ADGRL2: variants seen among roughly 807,000 people sequenced by gnomAD.
ADGRL2 encodes adhesion G protein-coupled receptor L2.
In ADGRL2, 44 loss-of-function variants were observed where a neutral mutation model predicts 157.4. The ratio of observed to expected loss-of-function variants is 0.28; its 90% CI spans 0.22 to 0.36. The LOEUF is 0.36. Among genes scored for constraint, ADGRL2 ranks in the 10% least tolerant of loss-of-function variants. The probability of loss-of-function intolerance (pLI) is 1.00; values close to 1 mark genes in which losing one functional copy is unlikely to be tolerated. For synonymous variants in ADGRL2, 585 were observed against 624.7 expected, an observed-to-expected ratio of 0.94 and a Z score of 0.95; for missense variants, 1,510 against 1,768.9, an observed-to-expected ratio of 0.85 and a Z score of 2.63.
At chr1:81,343,700 G>GTGTGACAGAGAGAGAGAGAGAAAGAGAT (rs1029632805) in intron 1 of ADGRL2, among the ~76,000 whole-genome samples, 4 of 152,056 alleles carry the variant, frequency 2.6e-5, no homozygotes, top group Non-Finnish European at 5.9e-5. Context: ...GAGAAAGAGA[G>GTGTGACAGAGAGAGAGAGAGAAAGAGAT]TGTGACAGAG....
chr1:81,473,676 T>C (rs2078216824), intron 2 of ADGRL2, among the ~76,000 whole-genome samples: 1 of 152,136 alleles, frequency 6.6e-6, no homozygotes, highest in African/African-American at 2.4e-5. Flanking sequence ...TCCAGGTTAA[T>C]ATTGTGAGAC....
chr1:81,558,683 T>C (rs2148438928), intron 2 of ADGRL2, among the ~76,000 whole-genome samples: 1 of 152,338 alleles, frequency 6.6e-6, no homozygotes, highest in African/African-American at 2.4e-5. Flanking sequence ...AATGAGTGTT[T>C]ATACAATAAA....
At chr1:81,956,120 A>G in intron 11 of ADGRL2, 60 bp downstream of exon 11, 1 of 1,262,376 alleles carries the variant, frequency 7.9e-7, no homozygotes, top group Non-Finnish European at 1.1e-6. Context: ...TAAGAGGATG[A>G]TGTTTCCATT....
chr1:81,535,643 T>C (rs2079717261), intron 2 of ADGRL2, among the ~76,000 whole-genome samples: 1 of 152,144 alleles, frequency 6.6e-6, no homozygotes, highest in Admixed American at 6.5e-5. Flanking sequence ...GTACACCATG[T>C]TTATGTGATT....
intron 3 of ADGRL2, among the ~76,000 whole-genome samples, chr1:81,674,349 A>T (rs935238371): frequency 6.6e-6 from 1 of 152,194 alleles, no homozygotes; most frequent in African/African-American, 2.4e-5. Context: ...GAGAACTCTA[A>T]TGCACGTAGA....
chr1:81,800,493 A>T (rs1376583743), upstream of ADGRL2: 1 of 151,868 alleles, frequency 6.6e-6, no homozygotes, highest in Non-Finnish European at 1.5e-5. Flanking sequence ...CGTGGAGAAA[A>T]GAGAAAACCT....
intron 2 of ADGRL2, among the ~76,000 whole-genome samples, chr1:81,468,041 T>C (rs1487701360): frequency 2.0e-5 from 3 of 152,174 alleles, no homozygotes; most frequent in Admixed American, 1.3e-4. Flanking sequence ...TTTAAAATTT[T>C]AGGGAAATTC....
At chr1:81,770,322 C>G (rs1260489832) in intron 2 of ADGRL2, among the ~76,000 whole-genome samples, 1 of 151,700 alleles carries the variant, frequency 6.6e-6, no homozygotes. Flanking sequence ...GCCACCCTAC[C>G]TGGCTAATTT....
chr1:81,771,966 T>C (rs2086389323), intron 2 of ADGRL2, among the ~76,000 whole-genome samples: 1 of 152,192 alleles, frequency 6.6e-6, no homozygotes, highest in South Asian at 2.1e-4. Flanking sequence ...CATTTTATCC[T>C]TGGCTGGGTG....
At chr1:81,784,111 C>G (rs2086929595) in intron 2 of ADGRL2, among the ~76,000 whole-genome samples, 1 of 152,040 alleles carries the variant, frequency 6.6e-6, no homozygotes, top group Admixed American at 6.6e-5. Flanking sequence ...AGTTATGTTG[C>G]TTTTCTAAAA....
At chr1:81,442,638 C>T (rs2077528772) in intron 1 of ADGRL2, among the ~76,000 whole-genome samples, 1 of 151,360 alleles carries the variant, frequency 6.6e-6, no homozygotes, top group South Asian at 2.1e-4. Flanking sequence ...TGGACCCTCA[C>T]AGTAAAACAT....
rs139300563 is a variant in ADGRL2, at chr1:81,363,106, C to T, written c.-302+56597C>T. On this transcript the variant is annotated intron_variant, in intron 1 of 24. Transcript: ENST00000370721. ...ACTGGTAGATATTTATTAAGCAAAA[C>T]GAATATCTTAAATCATTTCAGTATT... is the stretch of plus-strand genomic sequence containing the variant. Among the ~76,000 whole-genome samples, 31 of 151,820 alleles carry T rather than the reference C, an allele frequency of 2.0e-4. No individual in the cohort carries two copies. In the East Asian group the frequency reaches 2.9e-3, roughly 14 times the overall value.
intron 2 of ADGRL2, among the ~76,000 whole-genome samples, chr1:81,517,831 G>A (rs1265492898): frequency 1.3e-5 from 2 of 152,212 alleles, no homozygotes; most frequent in African/African-American, 2.4e-5. Context: ...GTTCGAGACA[G>A]AGTAGGCTCA....
intron 1 of ADGRL2, among the ~76,000 whole-genome samples, chr1:81,337,003 G>A (rs936501201): frequency 6.6e-6 from 1 of 152,150 alleles, no homozygotes; most frequent in African/African-American, 2.4e-5. Flanking sequence ...GAAGGAGCTT[G>A]ACATCAGCGA....
In ADGRL2 at chr1:81,417,474, A is replaced by G. The variant is rs1296141133; in HGVS notation, c.-301-27562A>G. On this transcript the variant is annotated intron_variant, in intron 1 of 24. Transcript: ENST00000370721. ...TTTCATGATTTTAGAGAATAGTAAG[A>G]TAAGTGATGTTTTCCTTCTTATATT... 2.6e-5 allele frequency among the ~76,000 whole-genome samples: 4 copies of G among 152,196 alleles called. No homozygotes were observed. In the South Asian group the frequency reaches 8.3e-4, roughly 31 times the overall value.
At chr1:81,656,290 T>C (rs2082531890) in intron 3 of ADGRL2, among the ~76,000 whole-genome samples, 1 of 152,174 alleles carries the variant, frequency 6.6e-6, no homozygotes, top group Admixed American at 6.5e-5. Context: ...AGGCATCCTC[T>C]CCATGTGAAA....
At chr1:81,987,580 G>A (rs1663543138) in intron 22 of ADGRL2, among the ~76,000 whole-genome samples, 1 of 151,450 alleles carries the variant, frequency 6.6e-6, no homozygotes, top group Non-Finnish European at 1.5e-5. Flanking sequence ...TTTTTAATTG[G>A]GGGAGGGGGA....
rs571497404 is a variant in ADGRL2, at chr1:81,844,377, T to C, written c.73+7320T>C. ...TTTCAGCATTGAAGCTCTTCATTTT[T>C]TGAATTAATACACTTTAATTTTTTA... On this transcript the variant is annotated intron_variant, in intron 2 of 23. Coordinates refer to ENST00000686636, the MANE Select transcript of ADGRL2 (RefSeq NM_001366006.2). Among the ~76,000 whole-genome samples the C allele has an allele frequency of 3.9e-5, 6 of 152,328 alleles. No homozygotes were observed. The East Asian group carries it at 9.7e-4, about 25-fold the overall frequency.
chr1:81,826,973 G>A (rs552968298), intron 1 of ADGRL2, among the ~76,000 whole-genome samples: 12 of 152,192 alleles, frequency 7.9e-5, no homozygotes, highest in East Asian at 5.8e-4. Flanking sequence ...TTACTTTTAC[G>A]AATGATATGT....
Sources: gnomAD v4.1 joint callset for allele counts (sites outside exome capture counted in the v4.1 genomes callset) on GRCh38, gnomAD v4.1.1 for gene constraint, MANE v1.5 for transcripts, NCBI Gene and HGNC (gene_info 2026-07-23, HGNC 2026-07-21) for gene names.